The following CWH43 variants were observed in gnomAD, a reference collection of about 807,000 sequenced individuals.
CWH43 encodes PGAP2-interacting protein.
Under a neutral mutation model 85.7 loss-of-function variants are expected in CWH43, and 91 were observed. The ratio of observed to expected loss-of-function variants is 1.06; its 90% CI spans 0.90 to 1.26. The LOEUF is 1.26. Among genes scored for constraint, CWH43 ranks in the 50% most tolerant of loss-of-function variants. The pLI, the probability that CWH43 is intolerant of heterozygous loss-of-function variation, is 0.00. For synonymous variants in CWH43, 323 were observed against 293.6 expected (o/e 1.10, Z -1.02); for missense variants, 869 against 839.2 (o/e 1.04, Z -0.44).
intron 9 of CWH43, among the ~76,000 whole-genome samples, chr4:49,017,788 T>A (rs1490116240): frequency 6.6e-6 from 1 of 152,026 alleles, no homozygotes; most frequent in South Asian, 2.1e-4. Flanking sequence ...GAGCTAGTTA[T>A]CTTATGTGGT....
At chr4:49,016,576 A>T in intron 8 of CWH43, 1 of 710,312 alleles carries the variant, frequency 1.4e-6, no homozygotes, top group Non-Finnish European at 2.6e-6. Context: ...CAGGGTGAAG[A>T]TATAAACAGT....
chr4:49,017,108 C>A lies in CWH43; in HGVS notation c.1187-141C>A. The A allele has an allele frequency of 2.6e-6, 2 of 757,326 alleles. 1 individual carries two copies. Among genetic ancestry groups the A allele is most frequent in the South Asian group, 3.0e-5 (2 of 67,168 alleles). 46.9% of individuals were successfully genotyped at this position (757,326 alleles called of 1,614,324 possible). ...AGCTCCCCAAGACTCTTCTTCCACC[C>A]ATTCATCTTCCAGGTCCTCCAAGAA... On this transcript the variant is annotated intron_variant, in intron 8 of 15. Coordinates refer to ENST00000226432, the MANE Select transcript of CWH43 (RefSeq NM_025087.3).
chr4:49,003,667 G>A, intron 6 of CWH43, 68 bp from the exon 7 acceptor site: 2 of 1,533,800 alleles, frequency 1.3e-6, no homozygotes, highest in Non-Finnish European at 1.8e-6. Flanking sequence ...TGGTCCTAAA[G>A]GCTATAAATT....
intron 12 of CWH43, among the ~76,000 whole-genome samples, chr4:49,033,352 T>TA (rs760194933): frequency 8.5e-5 from 13 of 152,174 alleles, no homozygotes; most frequent in Non-Finnish European, 1.6e-4. Context: ...CAACCTGGCT[T>TA]AAGTGCCCAT....
rs141292288 is a variant in CWH43, at chr4:49,015,262, GT to G, written c.1187-1977del. ...TTTGATATTTTTTTCATTGATTAGG[GT>G]TTTTTTTTTCCCTTATGCCCCTCCT... On this transcript the variant is annotated intron_variant, in intron 8 of 15. Coordinates refer to ENST00000226432, the MANE Select transcript of CWH43 (RefSeq NM_025087.3). 6.3e-3 allele frequency among the ~76,000 whole-genome samples: 911 copies of G among 144,814 alleles called. 8 individuals are homozygous for G. The highest frequency in any genetic ancestry group is 0.034 in the East Asian group (170 of 4,986).
chr4:49,040,255 A>C (rs1784414901), intron 13 of CWH43, among the ~76,000 whole-genome samples: 1 of 152,238 alleles, frequency 6.6e-6, no homozygotes, highest in Non-Finnish European at 1.5e-5. Context: ...CTTTGGGTAT[A>C]TACCCAGTAA....
At chr4:49,030,188 T>C (rs1222689460) in intron 10 of CWH43, among the ~76,000 whole-genome samples, 1 of 152,236 alleles carries the variant, frequency 6.6e-6, no homozygotes, top group Non-Finnish European at 1.5e-5. Context: ...GGTGCTCATT[T>C]TTGTGTGAAG....
chr4:49,055,053 A>G (rs1322748979), intron 15 of CWH43, among the ~76,000 whole-genome samples: 1 of 152,140 alleles, frequency 6.6e-6, no homozygotes, highest in Non-Finnish European at 1.5e-5. Flanking sequence ...GTTGAATAGA[A>G]GTGCTGAGAG....
intron 15 of CWH43, among the ~76,000 whole-genome samples, chr4:49,051,341 C>T (rs953276866): frequency 2.6e-5 from 4 of 152,140 alleles, no homozygotes; most frequent in Non-Finnish European, 4.4e-5. Flanking sequence ...CTATTAGCAT[C>T]GTTGGGTTGC....
intron 14 of CWH43, among the ~76,000 whole-genome samples, chr4:49,045,687 C>T (rs1158025168): frequency 6.6e-6 from 1 of 152,114 alleles, no homozygotes; most frequent in Non-Finnish European, 1.5e-5. Flanking sequence ...CACACAATGA[C>T]AAAATCGCCT....
chr4:49,029,326 CA>C (rs1784016698), intron 10 of CWH43, among the ~76,000 whole-genome samples: 1 of 152,180 alleles, frequency 6.6e-6, no homozygotes, highest in East Asian at 1.9e-4. Flanking sequence ...AATATGTTTA[CA>C]GGCATTATGC....
Position 48,986,483 on chromosome 4 carries a change from G to T in CWH43, c.43+11G>T. 1 of 1,552,930 alleles carries T rather than the reference G, an allele frequency of 6.4e-7. No individual in the cohort carries two copies. On this transcript the variant is annotated intron_variant, in intron 1 of 15. Coordinates refer to ENST00000226432, the MANE Select transcript of CWH43 (RefSeq NM_025087.3). ...TGGAGTCGCTGCTGGGTAAGCCGAA[G>T]CCCCTCGCCGCGAGTTCGCGGGTGC...
At position 48,997,339 on chromosome 4, in the gene CWH43, A is replaced by T. The variant is rs1338604609; in HGVS notation, c.714-1121A>T. The stretch of plus-strand genomic sequence containing the variant: ...CTCCCAAAGTGCTGGTATTACTGTC[A>T]TGAGTCACTGTGCCTGGCCCTATCT... On this transcript the variant is annotated intron_variant, in intron 5 of 15. Transcript: ENST00000226432. Among the ~76,000 whole-genome samples the T allele has an allele frequency of 5.3e-5, 8 of 151,730 alleles. No individual in the cohort carries two copies. In the East Asian group the frequency reaches 1.2e-3, roughly 22 times the overall value.
intron 15 of CWH43, among the ~76,000 whole-genome samples, chr4:49,055,913 C>CTTT (rs71191286): frequency 5.6e-5 from 8 of 141,992 alleles, no homozygotes; most frequent in African/African-American, 1.8e-4. Context: ...TTCTTTTTTT[C>CTTT]TTTTTTTTTT....
Position 49,028,721 on chromosome 4 carries a change from G to A in CWH43, c.1359G>A (p.Leu453=), listed in dbSNP as rs758383953. 6.2e-7 allele frequency: 1 copy of A among 1,606,782 alleles called. No homozygotes were observed. The highest frequency in any genetic ancestry group is 8.5e-7 in the Non-Finnish European group (1 of 1,174,214). ...CTAGTCTAGAAAGATCAGCTCACCT[G>A]CTCAATGAAACAGGTAAGTCTTCCT... is the stretch of plus-strand genomic sequence containing the variant. ...GWSSLERSAH[L]LNETGADFIT... The change falls in exon 10 of 16, where the codon CTG becomes CTA. Residue 453 remains leucine (L), a synonymous_variant. Coordinates refer to ENST00000226432, the MANE Select transcript of CWH43 (RefSeq NM_025087.3).
At chr4:49,042,481 T>C (rs2768968) in intron 13 of CWH43, among the ~76,000 whole-genome samples, 91,846 of 152,040 alleles carry the variant, frequency 0.6, 30,299 homozygotes, top group Middle Eastern at 0.78. Context: ...TTTGAGGCAT[T>C]TGTGGGACAT....
rs1782760334 is a variant in CWH43, at chr4:48,994,799, G to C, written c.692G>C (p.Gly231Ala). 2.5e-6 allele frequency: 4 copies of C among 1,613,774 alleles called. No individual in the cohort carries two copies. The South Asian group carries it at 4.4e-5, about 18-fold the overall frequency. Reference protein sequence around the residue: ...RWAVSGHPHPGPDPNPFGGAV... With the variant: ...RWAVSGHPHPAPDPNPFGGAV... ...GCAGTGAGTGGGCATCCACATCCAGGGCCAGATCCTAACCCATTTGGGTGA... is the reference window on the plus strand; with the variant it reads ...GCAGTGAGTGGGCATCCACATCCAGCGCCAGATCCTAACCCATTTGGGTGA... The change falls in exon 5 of 16, where the codon GGG (glycine) becomes GCG (alanine). Residue 231 changes from glycine (G) to alanine (A), a missense_variant. Physicochemically the swap from Gly to Ala is moderately conservative, Grantham distance 60. Transcript: ENST00000226432.
intron 11 of CWH43, among the ~76,000 whole-genome samples, chr4:49,032,303 A>T (rs1784122118): frequency 1.3e-5 from 2 of 152,230 alleles, no homozygotes; most frequent in African/African-American, 2.4e-5. Context: ...TTTTTGTATT[A>T]CTAATGCTGC....
chr4:49,023,290 G>T (rs1028420709), intron 9 of CWH43, among the ~76,000 whole-genome samples: 3 of 152,050 alleles, frequency 2.0e-5, no homozygotes, highest in Non-Finnish European at 4.4e-5. Context: ...TTTCATTGTG[G>T]ACACAATGAT....
Sources: allele counts gnomAD v4.1 joint callset (sites outside exome capture counted in the v4.1 genomes callset), GRCh38; gene constraint gnomAD v4.1.1; transcripts MANE v1.5; gene names NCBI Gene and HGNC (gene_info 2026-07-23, HGNC 2026-07-21).